CDK14: variants seen among roughly 807,000 people sequenced by gnomAD.
CDK14 encodes the protein cyclin-dependent kinase 14.
Under a neutral mutation model 60.7 loss-of-function variants are expected in CDK14, and 34 were observed. The observed-to-expected ratio is 0.56, with a 90% CI of 0.43 to 0.75. The LOEUF (loss-of-function observed/expected upper bound fraction) is 0.75, where lower values mean the gene tolerates loss of function less well. Ranked by LOEUF, CDK14 falls within the 30% of genes least tolerant of loss-of-function variation. The pLI, the probability that CDK14 is intolerant of heterozygous loss-of-function variation, is 0.00. For synonymous variants in CDK14, 197 were observed against 203.7 expected (o/e 0.97, Z 0.28); for missense variants, 482 against 564.1 (o/e 0.85, Z 1.47).
intron 2 of CDK14, among the ~76,000 whole-genome samples, chr7:90,655,537 A>C (rs1040016001): frequency 6.6e-6 from 1 of 152,234 alleles, no homozygotes; most frequent in Non-Finnish European, 1.5e-5. Context: ...CACATACTTA[A>C]GTATGATCTG....
intron 3 of CDK14, among the ~76,000 whole-genome samples, chr7:90,744,492 T>C (rs576340875): frequency 1.7e-3 from 256 of 152,344 alleles, no homozygotes; most frequent in Middle Eastern, 3.4e-3. Flanking sequence ...AAACCGCCAT[T>C]GTCATCATGG....
intron 2 of CDK14, among the ~76,000 whole-genome samples, chr7:90,711,461 T>A (rs1257303190): frequency 6.6e-6 from 1 of 151,650 alleles, no homozygotes; most frequent in East Asian, 1.9e-4. Context: ...TATTTTTACC[T>A]TTACTTTGTG....
chr7:90,603,006 A>G (rs576017701), intron 1 of CDK14, among the ~76,000 whole-genome samples: 36 of 152,332 alleles, frequency 2.4e-4, no homozygotes, highest in African/African-American at 8.4e-4. Context: ...TACTTTTCTC[A>G]GAGCTTAATT....
intron 9 of CDK14, among the ~76,000 whole-genome samples, chr7:90,982,327 T>C (rs1307745168): frequency 6.6e-6 from 1 of 152,140 alleles, no homozygotes; most frequent in East Asian, 1.9e-4. Context: ...AGAAGGAGGG[T>C]ACTCTAGATA....
chr7:91,000,761 T>G (rs1584216989), intron 10 of CDK14, among the ~76,000 whole-genome samples: 1 of 152,232 alleles, frequency 6.6e-6, no homozygotes, highest in Non-Finnish European at 1.5e-5. Context: ...GGTCTTCACA[T>G]TTAATGACAT....
intron 5 of CDK14, among the ~76,000 whole-genome samples, chr7:90,794,461 C>T (rs959014602): frequency 5.3e-5 from 8 of 152,038 alleles, no homozygotes; most frequent in African/African-American, 1.9e-4. Context: ...CAGATATTCC[C>T]TAGGCGGCCA....
chr7:90,641,615 C>G (rs7787831), intron 2 of CDK14, among the ~76,000 whole-genome samples: 1 of 147,194 alleles, frequency 6.8e-6, no homozygotes, highest in Admixed American at 6.8e-5. Flanking sequence ...TGCTTAGGGC[C>G]GAGGTGGAAG....
At chr7:90,983,008 C>T (rs962226030) in intron 9 of CDK14, among the ~76,000 whole-genome samples, 1 of 152,160 alleles carries the variant, frequency 6.6e-6, no homozygotes, top group African/African-American at 2.4e-5. Flanking sequence ...GATACTACCT[C>T]ACACCAGTCA....
chr7:91,104,836 G>A lies in CDK14; in HGVS notation c.1155-7706G>A, dbSNP rs546230160. 6.4e-4 allele frequency among the ~76,000 whole-genome samples: 98 copies of A among 152,278 alleles called. 1 individual carries two copies. In the South Asian group the frequency reaches 8.3e-3, roughly 13 times the overall value. ...AAACAGAGGTGACCTAACAGAATTA[G>A]TTTTAAAAGAGAGAGATGGGGCAAT... On this transcript the variant is annotated intron_variant, in intron 12 of 14. Transcript: ENST00000380050.
intron 4 of CDK14, among the ~76,000 whole-genome samples, chr7:90,760,494 G>A (rs1005328497): frequency 1.3e-5 from 2 of 152,098 alleles, no homozygotes; most frequent in African/African-American, 4.8e-5. Context: ...GCCCACAAAT[G>A]GGAGCTTTCT....
intron 10 of CDK14, among the ~76,000 whole-genome samples, chr7:90,988,238 T>C (rs926430228): frequency 2.0e-5 from 3 of 152,160 alleles, no homozygotes; most frequent in African/African-American, 7.2e-5. Context: ...ATAATAACCA[T>C]GTTCATATGT....
At chr7:90,661,250 A>G (rs1043632836) in intron 2 of CDK14, among the ~76,000 whole-genome samples, 2 of 152,158 alleles carry the variant, frequency 1.3e-5, no homozygotes, top group Admixed American at 1.3e-4. Flanking sequence ...CTTTTGCAAA[A>G]TATCTATTGC....
At chr7:91,201,190 T>A (rs1802708559) in intron 14 of CDK14, among the ~76,000 whole-genome samples, 3 of 152,228 alleles carry the variant, frequency 2.0e-5, no homozygotes. Context: ...AAATTATAAT[T>A]ATTTTTTTCT....
chr7:90,887,315 T>C (rs936653273), intron 6 of CDK14, among the ~76,000 whole-genome samples: 4 of 152,328 alleles, frequency 2.6e-5, no homozygotes, highest in East Asian at 1.9e-4. Flanking sequence ...ATACACTATA[T>C]TGAAATAATT....
intron 6 of CDK14, among the ~76,000 whole-genome samples, chr7:90,866,493 A>C (rs536382199): frequency 6.6e-6 from 1 of 152,212 alleles, no homozygotes; most frequent in South Asian, 2.1e-4. Context: ...TGCCCATTAA[A>C]ACCCTGGATA....
intron 4 of CDK14, among the ~76,000 whole-genome samples, chr7:90,781,151 T>G (rs896310383): frequency 8.5e-5 from 13 of 152,368 alleles, no homozygotes; most frequent in Admixed American, 8.5e-4. Context: ...TTGATTTGCA[T>G]TTCTCTGATA....
chr7:91,080,822 C>T (rs996311266), intron 12 of CDK14, among the ~76,000 whole-genome samples: 3 of 152,130 alleles, frequency 2.0e-5, no homozygotes, highest in Admixed American at 2.0e-4. Flanking sequence ...AACTATCATA[C>T]TGTAGCATAG....
At chr7:90,864,853 T>C (rs1044992184) in intron 6 of CDK14, among the ~76,000 whole-genome samples, 1 of 152,196 alleles carries the variant, frequency 6.6e-6, no homozygotes, top group Non-Finnish European at 1.5e-5. Flanking sequence ...CCAATTCTTA[T>C]GGAGACATCC....
At chr7:91,003,050 G>A (rs551690600) in intron 10 of CDK14, among the ~76,000 whole-genome samples, 3 of 152,112 alleles carry the variant, frequency 2.0e-5, no homozygotes, top group East Asian at 1.9e-4. Flanking sequence ...CCAGCCTGGC[G>A]ACAGTGCAAG....
Sources: allele counts gnomAD v4.1 joint callset (sites outside exome capture counted in the v4.1 genomes callset), GRCh38; gene constraint gnomAD v4.1.1; transcripts MANE v1.5; gene names NCBI Gene and HGNC (gene_info 2026-07-23, HGNC 2026-07-21).